TBC1D4: variants seen among roughly 807,000 people sequenced by gnomAD.
The protein encoded by TBC1D4 is TBC (Tre-2, BUB2, CDC16) domain-containing protein.
In TBC1D4, 121 loss-of-function variants were observed where a neutral mutation model predicts 142.5. That is an observed-to-expected ratio of 0.85 (90% CI 0.73 to 0.99). TBC1D4 has a LOEUF of 0.99. Among genes scored for constraint, TBC1D4 ranks in the 50% least tolerant of loss-of-function variants. TBC1D4 has a pLI of 0.00. For missense variants in TBC1D4, 1,475 were observed against 1,606.6 expected, an observed-to-expected ratio of 0.92 and a Z score of 1.40; for synonymous variants, 630 against 628.2, an observed-to-expected ratio of 1.00 and a Z score of -0.04.
intron 1 of TBC1D4, among the ~76,000 whole-genome samples, chr13:75,371,720 A>C (rs1008903471): frequency 2.0e-5 from 3 of 152,224 alleles, no homozygotes; most frequent in African/African-American, 7.2e-5. Context: ...CTCAGGAATC[A>C]GCCACTAATT....
rs191642292 is a variant in TBC1D4 at position 75,465,823 on chromosome 13, G to A, written c.498+15447C>T. Among the ~76,000 whole-genome samples the A allele has an allele frequency of 1.4e-3, 218 of 152,020 alleles. 1 individual carries two copies. The highest frequency in any genetic ancestry group is 6.8e-3 in the Middle Eastern group (2 of 294). On this transcript the variant is annotated intron_variant, in intron 1 of 20. Coordinates refer to ENST00000377636, the MANE Select transcript of TBC1D4 (RefSeq NM_014832.5). Reference sequence around the variant, plus strand: ...GATTTTACCTGCATGATACAACCTCGGTCTCCACAACCCCTTATCTTAACC... The same window carrying A: ...GATTTTACCTGCATGATACAACCTCAGTCTCCACAACCCCTTATCTTAACC...
chr13:75,342,819 A>AAT (rs961932117), intron 5 of TBC1D4, among the ~76,000 whole-genome samples: 18 of 150,806 alleles, frequency 1.2e-4, no homozygotes, highest in South Asian at 2.1e-4. Flanking sequence ...TTATGAAGAG[A>AAT]ATATATATAT....
intron 12 of TBC1D4, among the ~76,000 whole-genome samples, chr13:75,315,313 A>G (rs1410991805): frequency 6.6e-6 from 1 of 150,820 alleles, no homozygotes; most frequent in East Asian, 1.9e-4. Context: ...GTCCCAAAAA[A>G]CAAAACAAAA....
intron 19 of TBC1D4, among the ~76,000 whole-genome samples, chr13:75,290,497 T>C (rs1265793964): frequency 1.3e-5 from 2 of 152,144 alleles, no homozygotes; most frequent in Admixed American, 1.3e-4. Context: ...GGAGGTGATA[T>C]CTGATTTCAA....
intron 4 of TBC1D4, among the ~76,000 whole-genome samples, chr13:75,353,796 A>G (rs149113275): frequency 4.5e-4 from 69 of 152,138 alleles, no homozygotes; most frequent in Admixed American, 9.8e-4. Context: ...AGCATTGCAC[A>G]CTCTCCTTGC....
At chr13:75,287,706 A>T (rs1287222184) in intron 20 of TBC1D4, among the ~76,000 whole-genome samples, 2 of 152,248 alleles carry the variant, frequency 1.3e-5, no homozygotes, top group Non-Finnish European at 2.9e-5. Context: ...AGCCAATGTA[A>T]GACAAAGCGA....
At chr13:75,410,037 TA>T (rs1885554355) in intron 1 of TBC1D4, among the ~76,000 whole-genome samples, 2 of 152,314 alleles carry the variant, frequency 1.3e-5, no homozygotes, top group South Asian at 2.1e-4. Flanking sequence ...CCACTTACCT[TA>T]AAACTCAGTT....
chr13:75,373,440 T>C (rs1370911794), intron 1 of TBC1D4, among the ~76,000 whole-genome samples: 1 of 152,120 alleles, frequency 6.6e-6, no homozygotes, highest in African/African-American at 2.4e-5. Context: ...AAAACACACA[T>C]TCACCTCTCT....
chr13:75,287,966 C>A (rs1462515126), intron 20 of TBC1D4, among the ~76,000 whole-genome samples: 1 of 152,136 alleles, frequency 6.6e-6, no homozygotes, highest in East Asian at 1.9e-4. Flanking sequence ...CACCTGCTAG[C>A]CCCCATCCTG....
chr13:75,346,645 T>A (rs946234206), intron 5 of TBC1D4, among the ~76,000 whole-genome samples: 1 of 152,168 alleles, frequency 6.6e-6, no homozygotes, highest in Admixed American at 6.5e-5. Context: ...TGATTTATAA[T>A]CCTTTGCGTA....
chr13:75,469,262 C>G (rs973575273), intron 1 of TBC1D4, among the ~76,000 whole-genome samples: 12 of 152,124 alleles, frequency 7.9e-5, no homozygotes, highest in Non-Finnish European at 1.6e-4. Context: ...CACACACGAT[C>G]ACATGATAAG....
chr13:75,385,554 G>A (rs940331644), intron 1 of TBC1D4, among the ~76,000 whole-genome samples: 3 of 152,288 alleles, frequency 2.0e-5, no homozygotes, highest in African/African-American at 4.8e-5. Flanking sequence ...CGTGACCATC[G>A]CTAAAGCAAA....
intron 19 of TBC1D4, among the ~76,000 whole-genome samples, chr13:75,289,876 A>G (rs1356515150): frequency 9.9e-5 from 15 of 152,196 alleles, no homozygotes; most frequent in African/African-American, 3.1e-4. Context: ...TGGTGTCTAT[A>G]CTAACACTGA....
intron 1 of TBC1D4, among the ~76,000 whole-genome samples, chr13:75,417,353 C>T (rs558719242): frequency 1.3e-5 from 2 of 152,162 alleles, no homozygotes; most frequent in African/African-American, 2.4e-5. Flanking sequence ...GCACCACCTG[C>T]CCCGGGTAAG....
chr13:75,416,231 CAAG>C (rs1206715994), intron 1 of TBC1D4, among the ~76,000 whole-genome samples: 1 of 152,088 alleles, frequency 6.6e-6, no homozygotes, highest in Non-Finnish European at 1.5e-5. Context: ...GTCATGTCAA[CAAG>C]AAGGGAAACT....
intron 1 of TBC1D4, among the ~76,000 whole-genome samples, chr13:75,418,405 G>C (rs1454316543): frequency 1.3e-5 from 2 of 152,176 alleles, no homozygotes; most frequent in African/African-American, 4.8e-5. Context: ...AGGGCATGCG[G>C]CATTTGAGCT....
intron 5 of TBC1D4, among the ~76,000 whole-genome samples, chr13:75,344,341 T>G (rs1021319848): frequency 1.3e-5 from 2 of 152,192 alleles, no homozygotes; most frequent in African/African-American, 2.4e-5. Context: ...TGTAACTAAA[T>G]TCATAAACTA....
intron 1 of TBC1D4, among the ~76,000 whole-genome samples, chr13:75,398,692 C>T (rs558967932): frequency 2.4e-4 from 36 of 152,292 alleles, no homozygotes; most frequent in African/African-American, 8.2e-4. Context: ...AAAGCTACTT[C>T]CATCTGCAGT....
At chr13:75,335,544 A>G (rs116370151) in intron 8 of TBC1D4, among the ~76,000 whole-genome samples, 1,546 of 152,200 alleles carry the variant, frequency 0.01, 38 homozygotes, top group African/African-American at 0.035. Flanking sequence ...CTCATGTCAG[A>G]TTGTAATTCC....
Sources: gnomAD v4.1 joint callset for allele counts (sites outside exome capture counted in the v4.1 genomes callset) on GRCh38, gnomAD v4.1.1 for gene constraint, MANE v1.5 for transcripts, NCBI Gene and HGNC (gene_info 2026-07-23, HGNC 2026-07-21) for gene names.